The following CCNC variants were observed in gnomAD, a reference collection of about 807,000 sequenced individuals.
CCNC encodes the protein cyclin C, also known as cyclin-C.
In CCNC, 19 loss-of-function variants were observed where a neutral mutation model predicts 50.0. That is an observed-to-expected ratio of 0.38 (90% CI 0.27 to 0.56). The LOEUF is 0.56. Among genes scored for constraint, CCNC ranks in the 20% least tolerant of loss-of-function variants. The pLI, the probability that CCNC is intolerant of heterozygous loss-of-function variation, is 0.72. For missense variants in CCNC, 200 were observed against 327.1 expected (o/e 0.61, Z 3.00); for synonymous variants, 93 against 103.7 (o/e 0.90, Z 0.63).
At chr6:99,567,006 T>C (rs1385427534) in intron 1 of CCNC, 3 of 447,756 alleles carry the variant, frequency 6.7e-6, no homozygotes, top group African/African-American at 6.0e-5. Context: ...CTCAAGGGAT[T>C]TGAGCAAGGC....
rs963912471 is a variant in CCNC, at chr6:99,546,920, C to T, written c.599-446G>A. 2.1e-4 allele frequency among the ~76,000 whole-genome samples: 32 copies of T among 152,154 alleles called. 1 individual carries two copies. Reference sequence around the variant, plus strand: ...CACATTTCAGTTAAAAGCAGTGTTGCCTGGCCTTTTTTCTTCCTTTTCATT... The same window carrying T: ...CACATTTCAGTTAAAAGCAGTGTTGTCTGGCCTTTTTTCTTCCTTTTCATT... On this transcript the variant is annotated intron_variant, in intron 9 of 11. Coordinates refer to ENST00000520429, the MANE Select transcript of CCNC (RefSeq NM_005190.4).
rs1317499805 is a variant in CCNC, at chr6:99,546,458, G to A, written c.615C>T (p.Ala205=). Residue 205 remains alanine (A), a synonymous_variant, in exon 10 of 12, where the codon GCC becomes GCT. Transcript: ENST00000520429. The stretch of plus-strand genomic sequence containing the variant: ...TGGCATCTTTCTGCTGTACAACACA[G>A]GCTACATGTAGGCAAGCTGAAATGA... The part of the protein sequence containing the change: ...FMIALACLHV[A]CVVQQKDARQ... The A allele has an allele frequency of 5.6e-6, 9 of 1,612,234 alleles. No homozygotes were observed. In the South Asian group the frequency reaches 8.8e-5, roughly 16 times the overall value.
At chr6:99,558,244 C>T (rs1356700548) in intron 5 of CCNC, 1 of 438,944 alleles carries the variant, frequency 2.3e-6, no homozygotes. Flanking sequence ...GATTAAAAGC[C>T]ACTGAGTTGA....
At chr6:99,565,253 A>G (rs1296291733) in intron 1 of CCNC, among the ~76,000 whole-genome samples, 1 of 152,048 alleles carries the variant, frequency 6.6e-6, no homozygotes, top group African/African-American at 2.4e-5. Context: ...AAAGATCAAT[A>G]TGGGGAGAAA....
chr6:99,568,767 G>C, upstream of CCNC: 1 of 1,313,130 alleles, frequency 7.6e-7, no homozygotes, highest in Non-Finnish European at 1.0e-6. Flanking sequence ...GGTAGCGGAG[G>C]GAGCCGGAGG....
chr6:99,568,697 C>G, upstream of CCNC: 1 of 1,461,566 alleles, frequency 6.8e-7, no homozygotes, highest in Non-Finnish European at 9.0e-7. Context: ...GTCTCCTTCA[C>G]GCCGGCCGAC....
At chr6:99,568,699 C>G (rs1769270845), upstream of CCNC, 6 of 1,461,734 alleles carry the variant, frequency 4.1e-6, no homozygotes, top group Non-Finnish European at 5.4e-6. Context: ...CTCCTTCACG[C>G]CGGCCGACAA....
At position 99,561,434 on chromosome 6, in the gene CCNC, T is replaced by A. The variant is rs2114390526; in HGVS notation, c.227A>T (p.Tyr76Phe). 6.4e-7 allele frequency: 1 copy of A among 1,553,982 alleles called. No homozygotes were observed. The highest frequency in any genetic ancestry group is 1.2e-5 in the South Asian group (1 of 83,208). ...TVYFKRFYAR[Y>F]SLKSIDPVLM... Reference sequence around the variant, plus strand: ...TACAGGATCTATACTTTTCAGAGAATACCTAAAATATGATAAAACAAAGTT... The same window carrying A: ...TACAGGATCTATACTTTTCAGAGAAAACCTAAAATATGATAAAACAAAGTT... The change falls in exon 4 of 12, where the codon TAT becomes TTT. Residue 76 changes from tyrosine (Y) to phenylalanine (F), a missense_variant and splice_region_variant. Tyr to Phe is a conservative substitution (Grantham distance 22, BLOSUM62 3). Transcript: ENST00000520429.
At chr6:99,549,174 C>A in intron 9 of CCNC, 1 of 359,098 alleles carries the variant, frequency 2.8e-6, no homozygotes, top group Non-Finnish European at 5.3e-6. Flanking sequence ...ATATGAAAGC[C>A]CCAATTATTT....
intron 11 of CCNC, chr6:99,543,849 T>C: frequency 7.4e-7 from 1 of 1,350,772 alleles, no homozygotes; most frequent in Non-Finnish European, 9.5e-7. Flanking sequence ...GAAGTTAGTG[T>C]CCATATATAC....
intron 5 of CCNC, among the ~76,000 whole-genome samples, chr6:99,553,399 G>A (rs1401218048): frequency 6.6e-6 from 1 of 152,058 alleles, no homozygotes; most frequent in Admixed American, 6.5e-5. Context: ...CACCTCTATT[G>A]AGAATATATT....
intron 1 of CCNC, among the ~76,000 whole-genome samples, chr6:99,564,422 CAAAAAAAAA>C (rs11345511): frequency 1.0e-5 from 1 of 97,184 alleles, no homozygotes; most frequent in African/African-American, 4.0e-5. Flanking sequence ...GAGACTCTGT[CAAAAAAAAA>C]AAAAAAAAAA....
intron 4 of CCNC, among the ~76,000 whole-genome samples, chr6:99,559,983 G>A (rs1282436224): frequency 1.3e-5 from 2 of 151,988 alleles, no homozygotes; most frequent in Non-Finnish European, 2.9e-5. Flanking sequence ...GCCTCCCAAA[G>A]TGCTGGGATT....
chr6:99,544,913 G>A (rs1802015387), intron 11 of CCNC, among the ~76,000 whole-genome samples, 199 bp downstream of exon 11: 1 of 151,950 alleles, frequency 6.6e-6, no homozygotes, highest in South Asian at 2.1e-4. Flanking sequence ...ACTGCATTAG[G>A]AAAAGTTACT....
Position 99,543,563 on chromosome 6 carries a change from G to C in CCNC, c.844C>G (p.Gln282Glu), listed in dbSNP as rs2128865315. The C allele has an allele frequency of 6.2e-7, 1 of 1,613,302 alleles. No individual in the cohort carries two copies. Among genetic ancestry groups the C allele is most frequent in the South Asian group, 1.1e-5 (1 of 91,032 alleles). Reference sequence around the variant, plus strand: ...GAATTCTTCGGAATGTTTTAAGATTGGCTGTAGCTAGAGTTCTGACTTCCA... The same window carrying C: ...GAATTCTTCGGAATGTTTTAAGATTCGCTGTAGCTAGAGTTCTGACTTCCA... Reference protein sequence around the residue: ...PNGSQNSSYSQS With the variant: ...PNGSQNSSYSES The change falls in exon 12 of 12, where the codon CAA becomes GAA. Residue 282 changes from glutamine to glutamate, a missense_variant. Physicochemically the swap from Gln to Glu is conservative, Grantham distance 29. Coordinates refer to ENST00000520429, the MANE Select transcript of CCNC (RefSeq NM_005190.4).
chr6:99,565,947 A>G (rs909626541), intron 1 of CCNC, among the ~76,000 whole-genome samples: 3 of 152,022 alleles, frequency 2.0e-5, no homozygotes, highest in Non-Finnish European at 2.9e-5. Flanking sequence ...AGAGAATTAG[A>G]AAGCTTTTCT....
intron 1 of CCNC, among the ~76,000 whole-genome samples, chr6:99,564,237 C>T (rs150519315): frequency 0.05 from 7,627 of 151,968 alleles, 251 homozygotes; most frequent in Middle Eastern, 0.12. Flanking sequence ...CCAGCCTGAC[C>T]AATATGGTGA....
At chr6:99,568,710 C>A, upstream of CCNC, 3 of 1,453,098 alleles carry the variant, frequency 2.1e-6, no homozygotes, top group Non-Finnish European at 2.7e-6. Context: ...CGGCCGACAA[C>A]ACTCAACTGT....
chr6:99,554,173 T>C (rs988144527), intron 5 of CCNC, among the ~76,000 whole-genome samples: 24 of 152,204 alleles, frequency 1.6e-4, no homozygotes, highest in African/African-American at 5.8e-4. Flanking sequence ...TTTTTCTCAT[T>C]AGACTAGAGA....
Sources: allele counts gnomAD v4.1 joint callset (sites outside exome capture counted in the v4.1 genomes callset), GRCh38; gene constraint gnomAD v4.1.1; transcripts MANE v1.5; gene names NCBI Gene and HGNC (gene_info 2026-07-23, HGNC 2026-07-21).